The following AHR variants were observed in gnomAD, a reference collection of about 807,000 sequenced individuals.
AHR encodes the protein aryl hydrocarbon receptor, also known as AH-receptor.
In AHR, 40 loss-of-function variants were observed where a neutral mutation model predicts 86.8. The ratio of observed to expected loss-of-function variants is 0.46; its 90% CI spans 0.36 to 0.60. The LOEUF is 0.60. AHR is among the 20% of genes least tolerant of loss of function. The pLI, the probability that AHR is intolerant of heterozygous loss-of-function variation, is 0.00. For missense variants in AHR, 1,001 were observed against 1,011.6 expected, an observed-to-expected ratio of 0.99 and a Z score of 0.14; for synonymous variants, 398 against 354.9, an observed-to-expected ratio of 1.12 and a Z score of -1.37.
intron 1 of AHR, among the ~76,000 whole-genome samples, chr7:17,302,349 A>G (rs1781963512): frequency 6.6e-6 from 1 of 152,012 alleles, no homozygotes; most frequent in Non-Finnish European, 1.5e-5. Context: ...TTATTAACAT[A>G]TTAATAATAT....
In AHR at chr7:17,340,012, C is replaced by T. The variant is rs1160372551; in HGVS notation, c.2187C>T (p.Tyr729=). The part of the protein sequence containing the change: ...YPMGSFEPSP[Y]PTTSSLEDFV... ...TGGGGAGTTTTGAACCATCCCCATACCCCACTACTTCTAGTTTAGAAGATT... is the reference window on the plus strand; with the variant it reads ...TGGGGAGTTTTGAACCATCCCCATATCCCACTACTTCTAGTTTAGAAGATT... The change falls in exon 10 of 11, where the codon TAC becomes TAT. Residue 729 remains tyrosine (Y), a synonymous_variant. Coordinates refer to ENST00000242057, the MANE Select transcript of AHR (RefSeq NM_001621.5). The T allele has an allele frequency of 6.2e-7, 1 of 1,614,168 alleles. No individual in the cohort carries two copies. The highest frequency in any genetic ancestry group is 1.1e-5 in the South Asian group (1 of 91,082).
At position 17,339,116 on chromosome 7, in the gene AHR, A is replaced by G. The variant is rs779147906; in HGVS notation, c.1291A>G (p.Thr431Ala). ...CATAATGGATCCCTTACCACTAAGGACTAAAAATGGCACTAGTGGAAAAGA... is the reference window on the plus strand; with the variant it reads ...CATAATGGATCCCTTACCACTAAGGGCTAAAAATGGCACTAGTGGAAAAGA... ...PAIMDPLPLR[T>A]KNGTSGKDSA... The change falls in exon 10 of 11, where the codon ACT becomes GCT. Residue 431 changes from threonine to alanine, a missense_variant. By Grantham distance (58) the Thr-to-Ala change is moderately conservative. Around this residue, in one of 2 missense-constraint regions of AHR, gnomAD observed 607 missense variants for 543.1 expected, o/e 1.12. Transcript: ENST00000242057. The G allele has an allele frequency of 3.1e-6, 5 of 1,614,064 alleles. No homozygotes were observed. In the East Asian group the frequency reaches 8.9e-5, roughly 29 times the overall value.
At chr7:17,310,661 A>G (rs1345314198) in intron 2 of AHR, among the ~76,000 whole-genome samples, 2 of 151,634 alleles carry the variant, frequency 1.3e-5, no homozygotes, top group African/African-American at 2.4e-5. Context: ...CAGCCTCCCA[A>G]GTAGCTGGGA....
At chr7:17,299,858 G>A (rs1781937008) in intron 1 of AHR, among the ~76,000 whole-genome samples, 1 of 152,158 alleles carries the variant, frequency 6.6e-6, no homozygotes, top group Admixed American at 6.5e-5. Flanking sequence ...TTTGTGTTGC[G>A]CTCATATTTA....
rs1359468321 is a variant in AHR, at chr7:17,299,115, C to T, written c.-150C>T. 2.5e-6 allele frequency: 2 copies of T among 790,594 alleles called. No individual in the cohort carries two copies. The highest frequency in any genetic ancestry group is 3.7e-5 in the African/African-American group (2 of 53,854). 49.0% of individuals were successfully genotyped at this position (790,594 alleles called of 1,614,324 possible). Reference sequence around the variant, plus strand: ...TGAGCCGAGGCGTTGAGGCGCGGCGCCCACGCCACTGTCCCGAGAGGACGC... The same window carrying T: ...TGAGCCGAGGCGTTGAGGCGCGGCGTCCACGCCACTGTCCCGAGAGGACGC... On this transcript the variant is annotated 5_prime_UTR_variant, in exon 1 of 11. Transcript: ENST00000242057.
chr7:17,302,726 G>A (rs546648152), intron 1 of AHR, among the ~76,000 whole-genome samples: 1 of 151,768 alleles, frequency 6.6e-6, no homozygotes, highest in Admixed American at 6.6e-5. Context: ...CACTGTTACA[G>A]ATCTGGGCAA....
intron 2 of AHR, among the ~76,000 whole-genome samples, chr7:17,312,750 C>T (rs549159818): frequency 4.7e-4 from 71 of 152,286 alleles, no homozygotes; most frequent in Admixed American, 4.6e-3. Flanking sequence ...ATTCCTTCAT[C>T]AACTACATTA....
At chr7:17,325,648 T>C (rs1584037150) in intron 3 of AHR, among the ~76,000 whole-genome samples, 1 of 152,168 alleles carries the variant, frequency 6.6e-6, no homozygotes, top group Admixed American at 6.5e-5. Context: ...TAAAGGGACA[T>C]GGATGGAGCC....
intron 5 of AHR, 114 bp downstream of exon 5, chr7:17,330,189 A>T: frequency 2.9e-6 from 3 of 1,049,060 alleles, no homozygotes; most frequent in South Asian, 1.6e-5. Flanking sequence ...TAGTGGAAAG[A>T]TGTAAAGTCT....
intron 9 of AHR, among the ~76,000 whole-genome samples, chr7:17,336,471 G>A (rs1447913524): frequency 3.3e-5 from 5 of 152,084 alleles, no homozygotes; most frequent in African/African-American, 4.8e-5. Context: ...ATGTCAGAGT[G>A]TGTCATTTTG....
At chr7:17,340,709 A>G (rs1782412524) in intron 10 of AHR, among the ~76,000 whole-genome samples, 1 of 152,200 alleles carries the variant, frequency 6.6e-6, no homozygotes, top group Admixed American at 6.5e-5. Context: ...GTGCTTTCTT[A>G]CAATGCCTCT....
At position 17,330,842 on chromosome 7, in the gene AHR, A is replaced by G; in HGVS notation, c.661A>G (p.Ile221Val). The G allele has an allele frequency of 6.2e-7, 1 of 1,612,528 alleles. No homozygotes were observed. Among genetic ancestry groups the G allele is most frequent in the Non-Finnish European group, 8.5e-7 (1 of 1,178,878 alleles). ...CTCTCCTTTAATGGAGAGGTGCTTC[A>G]TATGTCGTCTAAGGTGTCTGCTGGA... ...ENSPLMERCF[I>V]CRLRCLLDNS... is the part of the protein sequence containing the mutation. The change falls in exon 6 of 11, where the codon ATA becomes GTA. Residue 221 changes from isoleucine (I) to valine (V), a missense_variant. Physicochemically the swap from Ile to Val is conservative, Grantham distance 29. Transcript: ENST00000242057.
chr7:17,324,780 T>A (rs1055685235), intron 3 of AHR, among the ~76,000 whole-genome samples: 2 of 149,838 alleles, frequency 1.3e-5, no homozygotes, highest in African/African-American at 4.9e-5. Context: ...CCAGCCCGGG[T>A]GACAATGCGA....
At position 17,330,799 on chromosome 7, in the gene AHR, C is replaced by A. The variant is rs753610053; in HGVS notation, c.618C>A (p.Asp206Glu). ...AGACAGTAGTCTGTTATAACCCAGA[C>A]CAGATTCCTCCAGAAAACTCTCCTT... ...LPQTVVCYNP[D>E]QIPPENSPLM... The change falls in exon 6 of 11, where the codon GAC becomes GAA. Residue 206 changes from aspartate (D) to glutamate (E), a missense_variant. This residue lies in a region of AHR where 394 missense variants were observed against 468.5 expected (regional missense o/e 0.84). Coordinates refer to ENST00000242057, the MANE Select transcript of AHR (RefSeq NM_001621.5). 1 of 1,612,316 alleles carries A rather than the reference C, an allele frequency of 6.2e-7. No individual in the cohort carries two copies. Among genetic ancestry groups the A allele is most frequent in the African/African-American group, 1.3e-5 (1 of 74,958 alleles).
chr7:17,334,183 G>A, intron 7 of AHR, 69 bp downstream of exon 7: 2 of 1,350,290 alleles, frequency 1.5e-6, no homozygotes, highest in Non-Finnish European at 2.1e-6. Flanking sequence ...CTCTTAGCAT[G>A]TAAAACATAC....
At position 17,345,384 on chromosome 7, in the gene AHR, G is replaced by A. The variant is rs1164356333; in HGVS notation, c.*2320G>A. Reference sequence around the variant, plus strand: ...AGTTAATGTATATAAAAATGGCTTCGGACAAAATATCTCTGAGTTCTGTGT... The same window carrying A: ...AGTTAATGTATATAAAAATGGCTTCAGACAAAATATCTCTGAGTTCTGTGT... On this transcript the variant is annotated 3_prime_UTR_variant, in exon 11 of 11. Coordinates refer to ENST00000242057, the MANE Select transcript of AHR (RefSeq NM_001621.5). The A allele has an allele frequency of 6.6e-6, 1 of 152,014 alleles. No individual in the cohort carries two copies. Among genetic ancestry groups the A allele is most frequent in the Non-Finnish European group, 1.5e-5 (1 of 67,928 alleles). The allele number at this position is 152,014 out of a possible 1,614,324, so 9.4% of individuals were successfully genotyped here. A position where few individuals can be genotyped will look rare whatever the true frequency, so the allele number is the denominator to read the frequency against.
At chr7:17,332,036 T>TG (rs1399823747) in intron 6 of AHR, among the ~76,000 whole-genome samples, 6 of 151,958 alleles carry the variant, frequency 3.9e-5, no homozygotes, top group African/African-American at 1.4e-4. Context: ...TGCATAATGA[T>TG]GCTTTGGTCA....
At chr7:17,308,354 T>G (rs1258209091) in intron 1 of AHR, among the ~76,000 whole-genome samples, 1 of 152,196 alleles carries the variant, frequency 6.6e-6, no homozygotes, top group Non-Finnish European at 1.5e-5. Context: ...TGTAAAATCT[T>G]TTTTCAAGCA....
At chr7:17,333,286 G>C (rs1782319839) in intron 6 of AHR, among the ~76,000 whole-genome samples, 1 of 151,864 alleles carries the variant, frequency 6.6e-6, no homozygotes, top group African/African-American at 2.4e-5. Flanking sequence ...CTATTATTTT[G>C]ATGTCAGAAC....
Sources: gnomAD v4.1 joint callset for allele counts (sites outside exome capture counted in the v4.1 genomes callset) on GRCh38, gnomAD v4.1.1 for gene constraint, gnomAD v4.1.1 regional missense constraint, MANE v1.5 for transcripts, NCBI Gene and HGNC (gene_info 2026-07-23, HGNC 2026-07-21) for gene names.